Variants in PARD6G observed in about 807,000 individuals in gnomAD.
The protein encoded by PARD6G is par-6 family cell polarity regulator gamma.
A neutral mutation model predicts 10.7 loss-of-function variants in PARD6G; 7 were observed. The ratio of observed to expected loss-of-function variants is 0.66; its 90% CI spans 0.37 to 1.23. PARD6G has a LOEUF of 1.23. PARD6G is among the 50% of genes most tolerant of loss of function. The pLI is 0.02. For missense variants in PARD6G, 548 were observed against 571.8 expected (o/e 0.96, Z 0.42); for synonymous variants, 287 against 269.4 (o/e 1.07, Z -0.64).
At chr18:80,170,772 GAA>G (rs2052770662) in intron 2 of PARD6G, 1 of 152,238 alleles carries the variant, frequency 6.6e-6, no homozygotes, top group Non-Finnish European at 1.5e-5. Flanking sequence ...GGGGAAAAGG[GAA>G]CCCTATGGTG....
intron 1 of PARD6G, among the ~76,000 whole-genome samples, chr18:80,229,721 G>A (rs962426707): frequency 6.6e-6 from 1 of 152,222 alleles, no homozygotes; most frequent in African/African-American, 2.4e-5. Context: ...AACTCTGAGA[G>A]ATGCAAATGA....
intron 2 of PARD6G, among the ~76,000 whole-genome samples, chr18:80,168,626 T>G (rs1246881926): frequency 2.7e-5 from 4 of 148,678 alleles, no homozygotes; most frequent in Non-Finnish European, 4.5e-5. Context: ...TGTATAAACT[T>G]TTTTTTTTTT....
In PARD6G at chr18:80,163,366, C is replaced by T. The variant is rs550827902; in HGVS notation, c.296-2760G>A. Among the ~76,000 whole-genome samples the T allele has an allele frequency of 3.5e-3, 534 of 152,310 alleles. 3 individuals carry two copies. Among genetic ancestry groups the T allele is most frequent in the African/African-American group, 0.012 (504 of 41,562 alleles). ...ACAGCCTGGCCGCCTGTCCCACACA[C>T]GGGCAGAGTACAGTGAGGCTTGGCC... is the stretch of plus-strand genomic sequence containing the variant. On this transcript the variant is annotated intron_variant, in intron 2 of 2. Transcript: ENST00000353265.
At position 80,158,057 on chromosome 18, in the gene PARD6G, T is replaced by C. The variant is rs1379576275; in HGVS notation, c.*1714A>G. On this transcript the variant is annotated 3_prime_UTR_variant, in exon 3 of 3. Transcript: ENST00000353265. ...TTCTCAAAGTATAAATGTAACATTT[T>C]ATTCAAGCAAAACACATTATATAAA... is the stretch of plus-strand genomic sequence containing the variant. The C allele has an allele frequency of 6.6e-6, 1 of 152,246 alleles. No individual in the cohort carries two copies. The highest frequency in any genetic ancestry group is 1.5e-5 in the Non-Finnish European group (1 of 68,048). 9.4% of individuals were successfully genotyped at this position (152,246 alleles called of 1,614,324 possible).
rs1466761675 is a variant in PARD6G at position 80,246,615 on chromosome 18, G to A, written c.72+662C>T. On this transcript the variant is annotated intron_variant, in intron 1 of 2. Coordinates refer to ENST00000353265, the MANE Select transcript of PARD6G (RefSeq NM_032510.4). This position sits in a 1 kb window ranked among gnomAD's most constrained non-coding sequence, Gnocchi z 6.7. ...GCGTCCGGAGGTGGGGGAGTCTGGG[G>A]TGGGGGCGCGCCCGTGGGGGTGGGG... 2.7e-5 allele frequency among the ~76,000 whole-genome samples: 4 copies of A among 147,700 alleles called. No individual in the cohort carries two copies. Among genetic ancestry groups the A allele is most frequent in the Non-Finnish European group, 6.0e-5 (4 of 66,258 alleles).
chr18:80,222,075 T>C (rs1967236558), intron 1 of PARD6G, among the ~76,000 whole-genome samples: 1 of 151,916 alleles, frequency 6.6e-6, no homozygotes, highest in Admixed American at 6.6e-5. Context: ...ATTAGAAAAC[T>C]TAATTTTTTT....
At chr18:80,238,939 C>T (rs1245369261) in intron 1 of PARD6G, among the ~76,000 whole-genome samples, 1 of 152,128 alleles carries the variant, frequency 6.6e-6, no homozygotes, top group African/African-American at 2.4e-5. Context: ...GGTGCCCAGG[C>T]TGAAAGCATC....
rs1293586056 is a variant in PARD6G at position 80,159,999 on chromosome 18, G to A, written c.903C>T (p.Val301=). 2.6e-6 allele frequency: 4 copies of A among 1,514,034 alleles called. No individual in the cohort carries two copies. The East Asian group carries it at 7.0e-5, about 26-fold the overall frequency. The allele number at this position is 1,514,034 out of a possible 1,614,324, so 93.8% of individuals were successfully genotyped here. The part of the protein sequence containing the change: ...DEAESDEDND[V]VIEGTLEPAR... ...CAGGCTCCAGTGTGCCCTCGATGAC[G>A]ACGTCGTTGTCCTCATCGCTCTCCG... The change falls in exon 3 of 3, where the codon GTC becomes GTT. Residue 301 remains valine, a synonymous_variant. Transcript: ENST00000353265.
chr18:80,178,881 A>C (rs1274678102), intron 2 of PARD6G, among the ~76,000 whole-genome samples: 1 of 152,094 alleles, frequency 6.6e-6, no homozygotes, highest in Non-Finnish European at 1.5e-5. Context: ...TGAAGGTGTC[A>C]AGCCAGTAGC....
At chr18:80,196,648 G>C (rs2145276166) in intron 2 of PARD6G, among the ~76,000 whole-genome samples, 1 of 152,282 alleles carries the variant, frequency 6.6e-6, no homozygotes, top group African/African-American at 2.4e-5. Flanking sequence ...AATTGGAAGA[G>C]AATCAAGGCA....
chr18:80,226,147 T>A (rs1024508805), intron 1 of PARD6G, among the ~76,000 whole-genome samples: 9 of 132,416 alleles, frequency 6.8e-5, no homozygotes, highest in Non-Finnish European at 1.2e-4. Flanking sequence ...AACCAATGAC[T>A]TCAGTTTTTT....
rs1187784070 is a variant in PARD6G, at chr18:80,192,482, G to A, written c.295+10228C>T. Reference sequence around the variant, plus strand: ...GAGCCCAGGGGACGGGGGAGAGCAGGTGCCACGGCGGGAGCCCAGGGGACG... The same window carrying A: ...GAGCCCAGGGGACGGGGGAGAGCAGATGCCACGGCGGGAGCCCAGGGGACG... On this transcript the variant is annotated intron_variant, in intron 2 of 2. Transcript: ENST00000353265. This position sits in a 1 kb window ranked among gnomAD's most constrained non-coding sequence, Gnocchi z 4.9. Among the ~76,000 whole-genome samples the A allele has an allele frequency of 2.6e-5, 4 of 151,380 alleles. No individual in the cohort carries two copies. Among genetic ancestry groups the A allele is most frequent in the Non-Finnish European group, 4.4e-5 (3 of 67,766 alleles).
rs543194533 is a variant in PARD6G at position 80,212,126 on chromosome 18, TCTCCAGTTA to T, written c.73-9203_73-9195del. Among the ~76,000 whole-genome samples the T allele has an allele frequency of 1.2e-3, 184 of 152,298 alleles. 1 individual carries two copies. Among genetic ancestry groups the T allele is most frequent in the African/African-American group, 4.1e-3 (172 of 41,576 alleles). ...GCATGTTCTCCTCACATTTACATATTCTCCAGTTACTCCAGTTTCCTCCCACGTCCCAAA... is the reference window on the plus strand; with the variant it reads ...GCATGTTCTCCTCACATTTACATATTCTCCAGTTTCCTCCCACGTCCCAAA... On this transcript the variant is annotated intron_variant, in intron 1 of 2. Coordinates refer to ENST00000353265, the MANE Select transcript of PARD6G (RefSeq NM_032510.4).
intron 2 of PARD6G, among the ~76,000 whole-genome samples, chr18:80,198,861 T>C (rs1017297794): frequency 6.6e-6 from 1 of 152,182 alleles, no homozygotes; most frequent in African/African-American, 2.4e-5. Flanking sequence ...CCTGGTAAGG[T>C]AGACAGTCCT....
chr18:80,237,637 CACAA>C (rs1205358034), intron 1 of PARD6G, among the ~76,000 whole-genome samples: 3 of 152,156 alleles, frequency 2.0e-5, no homozygotes, highest in Non-Finnish European at 4.4e-5. Context: ...CTACAAAGAA[CACAA>C]ACAAATTTAC....
chr18:80,164,388 G>A (rs1224902812), intron 2 of PARD6G, among the ~76,000 whole-genome samples: 4 of 152,192 alleles, frequency 2.6e-5, no homozygotes, highest in South Asian at 4.1e-4. Context: ...TGTGAGGGGC[G>A]TTGCCTCTGT....
chr18:80,178,586 C>T (rs567203336), intron 2 of PARD6G, among the ~76,000 whole-genome samples: 2 of 152,338 alleles, frequency 1.3e-5, no homozygotes, highest in South Asian at 2.1e-4. Flanking sequence ...GGAAGGCCTC[C>T]GACCATGGCA....
At chr18:80,237,179 C>T (rs1232671525) in intron 1 of PARD6G, among the ~76,000 whole-genome samples, 2 of 152,052 alleles carry the variant, frequency 1.3e-5, no homozygotes, top group Non-Finnish European at 2.9e-5. Flanking sequence ...CACAACAGAG[C>T]CCTCAGAAAT....
At chr18:80,160,630 G>A (rs1240688224) in intron 2 of PARD6G, 24 bp from the exon 3 acceptor site, 1 of 1,434,438 alleles carries the variant, frequency 7.0e-7, no homozygotes, top group Admixed American at 3.0e-5. Flanking sequence ...GACAGTTAGA[G>A]GGGACACACA....
Sources: allele counts gnomAD v4.1 joint callset (sites outside exome capture counted in the v4.1 genomes callset), GRCh38; gene constraint gnomAD v4.1.1; non-coding constraint Gnocchi (gnomAD v3.1); transcripts MANE v1.5; gene names NCBI Gene and HGNC (gene_info 2026-07-23, HGNC 2026-07-21).